Variants in PDXDC1 observed in about 807,000 individuals in gnomAD.
The protein encoded by PDXDC1 is pyridoxal-dependent decarboxylase domain-containing protein 1.
In PDXDC1, 42 loss-of-function variants were observed where a neutral mutation model predicts 100.1. That is an observed-to-expected ratio of 0.42 (90% CI 0.33 to 0.54). The LOEUF (loss-of-function observed/expected upper bound fraction) is 0.54. Among genes scored for constraint, PDXDC1 ranks in the 20% least tolerant of loss-of-function variants. PDXDC1 has a pLI of 0.10. For synonymous variants in PDXDC1, 260 were observed against 371.7 expected (o/e 0.70, Z 3.46); for missense variants, 636 against 979.2 (o/e 0.65, Z 4.68).
chr16:14,977,271 T>A (rs1966904137), intron 1 of PDXDC1, among the ~76,000 whole-genome samples: 1 of 12,422 alleles, frequency 8.1e-5, no homozygotes, highest in Non-Finnish European at 2.7e-4. Context: ...GGGACTTACT[T>A]TTTTTTTTTT....
rs1458708239 is a variant in PDXDC1, at chr16:15,035,464, C to A, written c.2018C>A (p.Thr673Lys). The A allele has an allele frequency of 6.2e-7, 1 of 1,608,986 alleles. No individual in the cohort carries two copies. The highest frequency in any genetic ancestry group is 1.3e-5 in the African/African-American group (1 of 74,820). The change falls in exon 22 of 23, where the codon ACA becomes AAA. Residue 673 changes from threonine to lysine, a missense_variant. Physicochemically the swap from Thr to Lys is moderately conservative, Grantham distance 78. Coordinates refer to ENST00000396410, the MANE Select transcript of PDXDC1 (RefSeq NM_015027.4). ...TCTCCCGCAGGCTCTCTGGAGTCCACAGAACCCATATATGTCTACAAAGCA... is the reference window on the plus strand; with the variant it reads ...TCTCCCGCAGGCTCTCTGGAGTCCAAAGAACCCATATATGTCTACAAAGCA... ...FNLTAGSLES[T>K]EPIYVYKAQG... is the part of the protein sequence containing the mutation.
At chr16:15,013,573 G>A (rs763274984) in intron 8 of PDXDC1, among the ~76,000 whole-genome samples, 3 of 152,222 alleles carry the variant, frequency 2.0e-5, no homozygotes, top group Non-Finnish European at 4.4e-5. Flanking sequence ...GAGTTTTGTT[G>A]CATGTAAATC....
intron 16 of PDXDC1, among the ~76,000 whole-genome samples, chr16:15,093,102 TC>T (rs2046203692): frequency 6.6e-6 from 1 of 152,018 alleles, no homozygotes; most frequent in South Asian, 2.1e-4. Flanking sequence ...TCTCCCGGGT[TC>T]AAGCAATTAT....
chr16:15,058,057 A>C (rs966680782), intron 16 of PDXDC1, among the ~76,000 whole-genome samples: 2 of 152,130 alleles, frequency 1.3e-5, no homozygotes, highest in Non-Finnish European at 2.9e-5. Flanking sequence ...CATGCCTGTA[A>C]CCCCAGCACT....
chr16:15,026,977 T>G (rs1203162808), intron 14 of PDXDC1, among the ~76,000 whole-genome samples: 28 of 152,248 alleles, frequency 1.8e-4, no homozygotes, highest in Non-Finnish European at 4.1e-4. Context: ...ACATAAAGAT[T>G]TGTGGGTCTT....
intron 16 of PDXDC1, among the ~76,000 whole-genome samples, chr16:15,072,266 A>G (rs1007909146): frequency 3.9e-5 from 6 of 151,972 alleles, no homozygotes; most frequent in African/African-American, 1.4e-4. Context: ...AAAAAAGAAG[A>G]AGAAGAAGAA....
In PDXDC1 at chr16:15,036,349, G is replaced by C. The variant is rs2043453387; in HGVS notation, c.*74G>C. On this transcript the variant is annotated 3_prime_UTR_variant, in exon 23 of 23. Transcript: ENST00000396410. Reference sequence around the variant, plus strand: ...TGAAGTTCTATTGGAAATGTGAACTGTGCCACATACTAATATAAATTACTG... The same window carrying C: ...TGAAGTTCTATTGGAAATGTGAACTCTGCCACATACTAATATAAATTACTG... The C allele has an allele frequency of 1.5e-6, 2 of 1,321,784 alleles. No homozygotes were observed. The highest frequency in any genetic ancestry group is 1.5e-5 in the African/African-American group (1 of 68,070). The allele number at this position is 1,321,784 out of a possible 1,614,324, so 81.9% of individuals were successfully genotyped here. A position where few individuals can be genotyped will look rare whatever the true frequency, so the allele number is the denominator to read the frequency against.
At chr16:15,060,216 G>A (rs2044663387) in intron 16 of PDXDC1, 2 of 373,194 alleles carry the variant, frequency 5.4e-6, no homozygotes, top group Non-Finnish European at 1.1e-5. Flanking sequence ...ACTAATTTCT[G>A]GGGAATTTCG....
intron 8 of PDXDC1, chr16:15,015,872 GTAGA>G (rs1778720939): frequency 1.2e-6 from 1 of 824,304 alleles, no homozygotes; most frequent in Admixed American, 3.4e-5. Context: ...AGCAGATCAA[GTAGA>G]TAGAAAATAA....
chr16:15,063,207 G>C (rs770461636), intron 16 of PDXDC1: 2 of 1,608,580 alleles, frequency 1.2e-6, no homozygotes, highest in South Asian at 2.2e-5. Flanking sequence ...TTTTTCATGG[G>C]TTTCTTGAAC....
the PDXDC1 span, among the ~76,000 whole-genome samples, chr16:15,146,407 G>A: frequency 2.0e-5 from 3 of 152,148 alleles, no homozygotes; most frequent in East Asian, 1.9e-4. Flanking sequence ...AGTGCCACTC[G>A]CCAGCTTACG....
chr16:15,055,951 C>T, intron 16 of PDXDC1: 1 of 1,230,190 alleles, frequency 8.1e-7, no homozygotes, highest in Non-Finnish European at 1.0e-6. Flanking sequence ...GCACTCGCCG[C>T]CCCTCGACGA....
At chr16:15,065,611 G>A (rs2044936039) in intron 16 of PDXDC1, among the ~76,000 whole-genome samples, 1 of 152,026 alleles carries the variant, frequency 6.6e-6, no homozygotes, top group African/African-American at 2.4e-5. Flanking sequence ...ATGTGAAACT[G>A]GGCTTATATT....
At chr16:15,111,479 G>T (rs1411612820) in intron 16 of PDXDC1, among the ~76,000 whole-genome samples, 3 of 139,316 alleles carry the variant, frequency 2.2e-5, no homozygotes, top group Non-Finnish European at 3.1e-5. Flanking sequence ...AAAAAAATAG[G>T]CCAGGTGTGG....
At chr16:14,988,401 G>C (rs1969909271) in intron 1 of PDXDC1, 1 of 1,614,180 alleles carries the variant, frequency 6.2e-7, no homozygotes, top group African/African-American at 1.3e-5. Flanking sequence ...GGGCAGCCCG[G>C]GGTCCTGCTG....
At chr16:15,080,160 C>A (rs56344413) in intron 16 of PDXDC1, 6 of 1,509,006 alleles carry the variant, frequency 4.0e-6, no homozygotes, top group South Asian at 1.3e-5. Context: ...GTTATGTAAG[C>A]AAAACATCAA....
chr16:15,123,320 C>G (rs2047532125), intron 16 of PDXDC1: 12 of 1,332,838 alleles, frequency 9.0e-6, no homozygotes, highest in Non-Finnish European at 1.2e-5. Flanking sequence ...AACCAGCTCC[C>G]TGTCCCTGCT....
chr16:15,047,424 G>C (rs374496635), intron 16 of PDXDC1: 10 of 1,472,438 alleles, frequency 6.8e-6, no homozygotes, highest in Non-Finnish European at 9.5e-6. Context: ...TCACCTATGA[G>C]AGCAGCGTAG....
chr16:15,087,271 G>T (rs2151816937), intron 16 of PDXDC1, among the ~76,000 whole-genome samples: 2 of 152,246 alleles, frequency 1.3e-5, no homozygotes, highest in African/African-American at 4.8e-5. Flanking sequence ...CATATGCCAG[G>T]CATGGTGCCT....
Sources: allele counts gnomAD v4.1 joint callset (sites outside exome capture counted in the v4.1 genomes callset), GRCh38; gene constraint gnomAD v4.1.1; transcripts MANE v1.5; gene names NCBI Gene and HGNC (gene_info 2026-07-23, HGNC 2026-07-21).